Variants in MITF observed in about 807,000 individuals in gnomAD.
The protein encoded by MITF is microphthalmia-associated transcription factor.
In MITF, 17 loss-of-function variants were observed where a neutral mutation model predicts 60.5. That is an observed-to-expected ratio of 0.28 (90% CI 0.19 to 0.42). The LOEUF (loss-of-function observed/expected upper bound fraction) is 0.42. Among genes scored for constraint, MITF ranks in the 10% least tolerant of loss-of-function variants. The pLI, the probability that MITF is intolerant of heterozygous loss-of-function variation, is 1.00. For synonymous variants in MITF, 260 were observed against 248.5 expected (o/e 1.05, Z -0.43); for missense variants, 622 against 683.5 (o/e 0.91, Z 1.00).
intron 2 of MITF, among the ~76,000 whole-genome samples, chr3:69,886,314 G>A (rs746011848): frequency 1.2e-4 from 19 of 152,096 alleles, no homozygotes; most frequent in Non-Finnish European, 2.2e-4. Context: ...CCTTGACAAC[G>A]TGGATATTAA....
intron 1 of MITF, among the ~76,000 whole-genome samples, chr3:69,784,049 G>A (rs1051503867): frequency 6.6e-6 from 1 of 151,966 alleles, no homozygotes; most frequent in Non-Finnish European, 1.5e-5. Flanking sequence ...TATTTTAATG[G>A]CTTGTGTTTT....
At chr3:69,962,646 G>A (rs1576064134) in intron 9 of MITF, among the ~76,000 whole-genome samples, 1 of 152,262 alleles carries the variant, frequency 6.6e-6, no homozygotes. Flanking sequence ...TCACAACCGT[G>A]GAAGGGATAG....
At chr3:69,854,050 G>A (rs527980602) in intron 1 of MITF, among the ~76,000 whole-genome samples, 7 of 151,892 alleles carry the variant, frequency 4.6e-5, no homozygotes, top group East Asian at 1.9e-4. Context: ...GAGTTTCACC[G>A]TATTGGTCAG....
At chr3:69,834,541 A>T (rs1002314002) in intron 1 of MITF, among the ~76,000 whole-genome samples, 1 of 152,118 alleles carries the variant, frequency 6.6e-6, no homozygotes, top group Non-Finnish European at 1.5e-5. Flanking sequence ...TCCATTCTGT[A>T]TATATACTAC....
At chr3:69,795,622 A>G (rs1325869943) in intron 1 of MITF, among the ~76,000 whole-genome samples, 1 of 152,082 alleles carries the variant, frequency 6.6e-6, no homozygotes, top group South Asian at 2.1e-4. Flanking sequence ...GCTACTTGGG[A>G]GGCTGAGGTG....
intron 2 of MITF, among the ~76,000 whole-genome samples, chr3:69,880,998 G>A (rs1412919787): frequency 6.6e-6 from 1 of 151,990 alleles, no homozygotes; most frequent in Non-Finnish European, 1.5e-5. Context: ...ATGAAAATGT[G>A]TTGAAACATC....
At chr3:69,851,738 T>C (rs1048510386) in intron 1 of MITF, among the ~76,000 whole-genome samples, 1 of 152,150 alleles carries the variant, frequency 6.6e-6, no homozygotes, top group African/African-American at 2.4e-5. Flanking sequence ...GTGCTGGTGG[T>C]GACATGGCTC....
chr3:69,859,578 T>A (rs1228904571), intron 1 of MITF, among the ~76,000 whole-genome samples: 3 of 152,034 alleles, frequency 2.0e-5, no homozygotes, highest in Non-Finnish European at 4.4e-5. Flanking sequence ...TTAGCCAAGG[T>A]GGTCCATGGA....
At chr3:69,805,667 C>T (rs6781707) in intron 1 of MITF, among the ~76,000 whole-genome samples, 75,500 of 151,106 alleles carry the variant, frequency 0.5, 20,311 homozygotes, top group Non-Finnish European at 0.63. Flanking sequence ...ATGCATCTTT[C>T]TTTTTTTAAA....
In MITF at chr3:69,959,233, A is replaced by G. The variant is rs367622311; in HGVS notation, c.1032-40A>G. On this transcript the variant is annotated intron_variant, in intron 8 of 9. Coordinates refer to ENST00000352241, the MANE Select transcript of MITF (RefSeq NM_001354604.2). ...GAATATTGAATTTTCATTGAGCCTC[A>G]AATCCTAAAAATATCTGTTTTCCTC... The G allele has an allele frequency of 6.8e-6, 11 of 1,611,992 alleles. No homozygotes were observed. In the African/African-American group the frequency reaches 1.3e-4, roughly 20 times the overall value.
Position 69,739,509 on chromosome 3 carries a change from G to C in MITF, c.-89G>C. The C allele has an allele frequency of 1.6e-6, 2 of 1,248,974 alleles. No homozygotes were observed. The highest frequency in any genetic ancestry group is 1.1e-6 in the Non-Finnish European group (1 of 874,198). The allele number at this position is 1,248,974 out of a possible 1,614,324, so 77.4% of individuals were successfully genotyped here. A position where few individuals can be genotyped will look rare whatever the true frequency, so the allele number is the denominator to read the frequency against. On this transcript the variant is annotated 5_prime_UTR_variant, in exon 1 of 10. Transcript: ENST00000352241. The stretch of plus-strand genomic sequence containing the variant: ...AGCTCGGCACTGCGCCGGGGCGCAC[G>C]GCTCGGGGGACCCAGGCCCAGCTAC...
chr3:69,892,775 T>A (rs974793054), intron 2 of MITF, among the ~76,000 whole-genome samples: 2 of 152,216 alleles, frequency 1.3e-5, no homozygotes, highest in Non-Finnish European at 2.9e-5. Flanking sequence ...CAGTAGGCCC[T>A]TCATGGTCTG....
At chr3:69,868,698 A>C (rs973317646) in intron 1 of MITF, among the ~76,000 whole-genome samples, 4 of 152,132 alleles carry the variant, frequency 2.6e-5, no homozygotes, top group Non-Finnish European at 5.9e-5. Context: ...CAGGAGTTCA[A>C]GACCAGCCTG....
intron 1 of MITF, among the ~76,000 whole-genome samples, chr3:69,805,924 G>A (rs990360210): frequency 9.2e-5 from 14 of 152,062 alleles, no homozygotes; most frequent in Admixed American, 9.2e-4. Flanking sequence ...TTCTTCCAAA[G>A]TACTGGGATT....
At chr3:69,870,042 C>T (rs1418660037) in intron 1 of MITF, among the ~76,000 whole-genome samples, 1 of 151,672 alleles carries the variant, frequency 6.6e-6, no homozygotes, top group Admixed American at 6.6e-5. Flanking sequence ...GATCTTTGTT[C>T]TTTCCTATTT....
At chr3:69,779,966 C>G (rs1225316596) in intron 1 of MITF, among the ~76,000 whole-genome samples, 1 of 152,012 alleles carries the variant, frequency 6.6e-6, no homozygotes, top group Non-Finnish European at 1.5e-5. Flanking sequence ...TTGGGAGGCT[C>G]TTGCAATAAT....
chr3:69,887,130 G>A (rs924735021), intron 2 of MITF, among the ~76,000 whole-genome samples: 1 of 151,806 alleles, frequency 6.6e-6, no homozygotes, highest in African/African-American at 2.4e-5. Context: ...TTTTCTATTT[G>A]CTTTTAAGTA....
At chr3:69,931,766 C>G (rs1254579700) in intron 2 of MITF, among the ~76,000 whole-genome samples, 1 of 152,162 alleles carries the variant, frequency 6.6e-6, no homozygotes, top group Non-Finnish European at 1.5e-5. Context: ...CTGGAATACA[C>G]CCCTGGATTT....
At chr3:69,844,324 A>G (rs1459751778) in intron 1 of MITF, among the ~76,000 whole-genome samples, 1 of 152,218 alleles carries the variant, frequency 6.6e-6, no homozygotes, top group Non-Finnish European at 1.5e-5. Flanking sequence ...CCAGACATCT[A>G]CAACCATCTG....
Sources: allele counts gnomAD v4.1 joint callset (sites outside exome capture counted in the v4.1 genomes callset), GRCh38; gene constraint gnomAD v4.1.1; transcripts MANE v1.5; gene names NCBI Gene and HGNC (gene_info 2026-07-23, HGNC 2026-07-21).